The following PHACTR2 variants were observed in gnomAD, a reference collection of about 807,000 sequenced individuals.
The protein encoded by PHACTR2 is phosphatase and actin regulator 2.
Under a neutral mutation model 76.0 loss-of-function variants are expected in PHACTR2, and 30 were observed. The ratio of observed to expected loss-of-function variants is 0.39; its 90% confidence interval spans 0.30 to 0.54. The LOEUF (loss-of-function observed/expected upper bound fraction) is 0.54, where lower values mean the gene tolerates loss of function less well. Among genes scored for constraint, PHACTR2 ranks in the 20% least tolerant of loss-of-function variants. The pLI, the probability that PHACTR2 is intolerant of heterozygous loss-of-function variation, is 0.61. For synonymous variants in PHACTR2, 292 were observed against 292.5 expected (o/e 1.00, Z 0.02); for missense variants, 696 against 781.1 (o/e 0.89, Z 1.30).
intron 1 of PHACTR2, among the ~76,000 whole-genome samples, chr6:143,545,190 C>A (rs1382336239): frequency 6.6e-6 from 1 of 152,112 alleles, no homozygotes; most frequent in Non-Finnish European, 1.5e-5. Flanking sequence ...AGTGAGCCAC[C>A]CACCTAGGCC....
chr6:143,563,551 C>CAAAAAA (rs76587878), intron 1 of PHACTR2, among the ~76,000 whole-genome samples: 2 of 29,950 alleles, frequency 6.7e-5, no homozygotes, highest in Non-Finnish European at 9.3e-5. Flanking sequence ...AACTCCGTCT[C>CAAAAAA]AAAAAAAAAA....
In PHACTR2 at chr6:143,807,711, A is replaced by G. The variant is rs1474468449; in HGVS notation, c.1922+578A>G. On this transcript the variant is annotated intron_variant, in intron 12 of 12. Coordinates refer to ENST00000440869, the MANE Select transcript of PHACTR2 (RefSeq NM_001100164.2). The surrounding 1 kb of genome is among the most constrained non-coding windows in gnomAD (Gnocchi z 5.5). ...ACTTTTCAGAAGATGTAACTTTAGG[A>G]TGGGAATCCTGATTTTACTGGTGAC... Among the ~76,000 whole-genome samples the G allele has an allele frequency of 6.6e-6, 1 of 152,204 alleles. No individual in the cohort carries two copies. Among genetic ancestry groups the G allele is most frequent in the Non-Finnish European group, 1.5e-5 (1 of 68,032 alleles).
At chr6:143,720,261 G>C (rs964852605) in intron 2 of PHACTR2, among the ~76,000 whole-genome samples, 13 of 152,054 alleles carry the variant, frequency 8.5e-5, no homozygotes, top group African/African-American at 3.1e-4. Context: ...CTTCCTTCTT[G>C]CAAAAACTTG....
At chr6:143,736,818 C>T (rs1352770121) in intron 2 of PHACTR2, among the ~76,000 whole-genome samples, 1 of 151,684 alleles carries the variant, frequency 6.6e-6, no homozygotes, top group Non-Finnish European at 1.5e-5. Flanking sequence ...TCGTGATCCG[C>T]CCGCCTCGGC....
rs1281782984 is a variant in PHACTR2 at position 143,596,802 on chromosome 6, C to T, written c.217+59595C>T. ...GCAGTGAACTGTGATCGTGCCACAGCATTCCAGCTTGAGTGACAGAGTGAG... is the reference window on the plus strand; with the variant it reads ...GCAGTGAACTGTGATCGTGCCACAGTATTCCAGCTTGAGTGACAGAGTGAG... On this transcript the variant is annotated intron_variant, in intron 1 of 11. Transcript: ENST00000367584. This position sits in a 1 kb window ranked among gnomAD's most constrained non-coding sequence, Gnocchi z 4.6. Among the ~76,000 whole-genome samples the T allele has an allele frequency of 6.6e-6, 1 of 152,132 alleles. No individual in the cohort carries two copies. Among genetic ancestry groups the T allele is most frequent in the Non-Finnish European group, 1.5e-5 (1 of 68,026 alleles).
At chr6:143,692,849 G>A (rs898254843) in intron 1 of PHACTR2, among the ~76,000 whole-genome samples, 4 of 152,264 alleles carry the variant, frequency 2.6e-5, no homozygotes, top group East Asian at 1.9e-4. Flanking sequence ...TAAGGCTGTC[G>A]TAACACCATA....
intron 1 of PHACTR2, among the ~76,000 whole-genome samples, chr6:143,601,758 A>T (rs1301225531): frequency 6.6e-6 from 1 of 152,172 alleles, no homozygotes; most frequent in Non-Finnish European, 1.5e-5. Flanking sequence ...CTGCATTGTT[A>T]CTGTAAGAGA....
intron 2 of PHACTR2, among the ~76,000 whole-genome samples, chr6:143,747,719 G>A (rs1176479971): frequency 1.3e-5 from 2 of 152,274 alleles, no homozygotes; most frequent in South Asian, 2.1e-4. Context: ...CTGGCCCTTC[G>A]CTGCTGTATC....
Position 143,653,040 on chromosome 6 carries a change from G to T in PHACTR2, c.13+44718G>T, listed in dbSNP as rs1049141357. 3.9e-5 allele frequency among the ~76,000 whole-genome samples: 6 copies of T among 152,222 alleles called. No homozygotes were observed. Among genetic ancestry groups the T allele is most frequent in the Non-Finnish European group, 5.9e-5 (4 of 68,040 alleles). ...TCTTTCACCCTTGCAAGCTGCAACT[G>T]GCAAGAGAATTGTACTTGATGGCAC... is the stretch of plus-strand genomic sequence containing the variant. On this transcript the variant is annotated intron_variant, in intron 1 of 11. Coordinates refer to the PHACTR2 transcript ENST00000305766. The surrounding 1 kb of genome is among the most constrained non-coding windows in gnomAD (Gnocchi z 4.9).
intron 1 of PHACTR2, among the ~76,000 whole-genome samples, chr6:143,638,506 T>C (rs1449493328): frequency 6.0e-5 from 9 of 150,122 alleles, no homozygotes; most frequent in African/African-American, 9.9e-5. Context: ...ATCATACCAC[T>C]GCACTCCAGC....
At chr6:143,632,362 C>T (rs535878577) in intron 1 of PHACTR2, among the ~76,000 whole-genome samples, 18 of 152,180 alleles carry the variant, frequency 1.2e-4, no homozygotes, top group African/African-American at 3.6e-4. Flanking sequence ...TAGATACCCC[C>T]GCCACCAATT....
At chr6:143,736,643 C>T (rs1025868741) in intron 2 of PHACTR2, among the ~76,000 whole-genome samples, 5 of 127,736 alleles carry the variant, frequency 3.9e-5, no homozygotes, top group African/African-American at 1.2e-4. Flanking sequence ...GGCAAGATCT[C>T]GGCTCACTGC....
chr6:143,766,112 TCTTTA>T (rs1779558358), intron 6 of PHACTR2, among the ~76,000 whole-genome samples: 2 of 152,230 alleles, frequency 1.3e-5, no homozygotes, highest in South Asian at 4.1e-4. Flanking sequence ...TTATTTTAAA[TCTTTA>T]CTTTACCATT....
At chr6:143,575,730 A>C (rs1479133156) in intron 1 of PHACTR2, among the ~76,000 whole-genome samples, 1 of 152,060 alleles carries the variant, frequency 6.6e-6, no homozygotes, top group African/African-American at 2.4e-5. Flanking sequence ...GTTTTTAACT[A>C]TTTAATGTTT....
chr6:143,723,606 C>G (rs1184039193), intron 2 of PHACTR2, among the ~76,000 whole-genome samples: 3 of 152,178 alleles, frequency 2.0e-5, no homozygotes, highest in African/African-American at 7.2e-5. Flanking sequence ...AGATTCTGTT[C>G]TAGAGAAACA....
At chr6:143,704,079 G>GTGTGTGTGTGTGTC (rs1582790263) in intron 1 of PHACTR2, among the ~76,000 whole-genome samples, 24 of 146,304 alleles carry the variant, frequency 1.6e-4, no homozygotes, top group African/African-American at 4.7e-4. Context: ...CATCATGGGT[G>GTGTGTGTGTGTGTC]TGTGTGTGTG....
At chr6:143,724,378 C>T (rs1012922849) in intron 2 of PHACTR2, among the ~76,000 whole-genome samples, 7 of 151,976 alleles carry the variant, frequency 4.6e-5, no homozygotes, top group Non-Finnish European at 8.8e-5. Context: ...GTGATCCACC[C>T]GCCTCAGCCT....
At position 143,809,259 on chromosome 6, in the gene PHACTR2, G is replaced by C. The variant is rs1186516614; in HGVS notation, c.1922+2126G>C. Among the ~76,000 whole-genome samples the C allele has an allele frequency of 6.6e-6, 1 of 152,318 alleles. No homozygotes were observed. The highest frequency in any genetic ancestry group is 1.9e-4 in the East Asian group (1 of 5,192). ...TGAAAAATAAATATTTATACTAAAA[G>C]AGGTTCTTTCTGTTCTGTTGTACTC... On this transcript the variant is annotated intron_variant, in intron 12 of 12. Transcript: ENST00000440869. This position sits in a 1 kb window ranked among gnomAD's most constrained non-coding sequence, Gnocchi z 4.2.
At position 143,625,486 on chromosome 6, in the gene PHACTR2, G is replaced by C. The variant is rs865840729; in HGVS notation, c.13+17164G>C. Among the ~76,000 whole-genome samples the C allele has an allele frequency of 6.6e-6, 1 of 151,984 alleles. No homozygotes were observed. Among genetic ancestry groups the C allele is most frequent in the African/African-American group, 2.4e-5 (1 of 41,374 alleles). On this transcript the variant is annotated intron_variant, in intron 1 of 11. Transcript: ENST00000305766. The surrounding 1 kb of genome is among the most constrained non-coding windows in gnomAD (Gnocchi z 4.3). ...ATAAACTACTCACAACATCAAAAAG[G>C]ATAATAAATATTATTGATAACTTAT... is the stretch of plus-strand genomic sequence containing the variant.
Sources: gnomAD v4.1 joint callset for allele counts (sites outside exome capture counted in the v4.1 genomes callset) on GRCh38, gnomAD v4.1.1 for gene constraint, Gnocchi (gnomAD v3.1) non-coding constraint, MANE v1.5 for transcripts, NCBI Gene and HGNC (gene_info 2026-07-23, HGNC 2026-07-21) for gene names.